DNMBP: variants seen among roughly 807,000 people sequenced by gnomAD.
The protein encoded by DNMBP is dynamin-binding protein.
In DNMBP, 87 loss-of-function variants were observed where a neutral mutation model predicts 150.0. The observed-to-expected ratio is 0.58, with a 90% CI of 0.49 to 0.69. The LOEUF is 0.69. Among genes scored for constraint, DNMBP ranks in the 30% least tolerant of loss-of-function variants. The pLI is 0.00. For synonymous variants in DNMBP, 711 were observed against 750.4 expected, an observed-to-expected ratio of 0.95 and a Z score of 0.86; for missense variants, 1,774 against 1,949.0, an observed-to-expected ratio of 0.91 and a Z score of 1.69.
intron 1 of DNMBP, among the ~76,000 whole-genome samples, chr10:99,986,244 G>A (rs1008004168): frequency 2.0e-5 from 3 of 152,202 alleles, no homozygotes; most frequent in African/African-American, 7.2e-5. Context: ...ATGCAGTGGT[G>A]TGTCCCTATA....
At chr10:99,976,013 C>A (rs1225725892) in intron 1 of DNMBP, among the ~76,000 whole-genome samples, 1 of 152,096 alleles carries the variant, frequency 6.6e-6, no homozygotes, top group Non-Finnish European at 1.5e-5. Flanking sequence ...TGATAGCTGT[C>A]CAAGGTCACA....
chr10:99,936,084 T>C, intron 4 of DNMBP, among the ~76,000 whole-genome samples: 1 of 152,196 alleles, frequency 6.6e-6, no homozygotes. Context: ...AGATTAACTT[T>C]AATCTAACTG....
In DNMBP at chr10:99,917,968, CAA is replaced by C. The variant is rs749252887; in HGVS notation, c.2261-8824_2261-8823del. On this transcript the variant is annotated intron_variant, in intron 4 of 16. Coordinates refer to ENST00000324109, the MANE Select transcript of DNMBP (RefSeq NM_015221.4). Reference sequence around the variant, plus strand: ...TGAGCGATGGAGTAAGACTCTGTCTCAAAAAAAAAAAAAAAAAAAAAAGAAAA... The same window carrying C: ...TGAGCGATGGAGTAAGACTCTGTCTCAAAAAAAAAAAAAAAAAAAAGAAAA... 8.2e-3 allele frequency among the ~76,000 whole-genome samples: 429 copies of C among 52,218 alleles called. 1 individual carries two copies. The highest frequency in any genetic ancestry group is 0.026 in the African/African-American group (393 of 14,880). 34.3% of individuals were successfully genotyped at this position (52,218 alleles called of 152,430 possible). A position where few individuals can be genotyped will look rare whatever the true frequency, so the allele number is the denominator to read the frequency against.
intron 1 of DNMBP, among the ~76,000 whole-genome samples, chr10:100,008,027 C>T (rs1369076408): frequency 1.3e-5 from 2 of 152,154 alleles, no homozygotes; most frequent in Middle Eastern, 3.2e-3. Context: ...GTAATAATAC[C>T]ATGTTGTAGG....
intron 14 of DNMBP, 108 bp from the exon 15 acceptor site, chr10:99,884,317 A>G: frequency 3.2e-6 from 3 of 924,726 alleles, no homozygotes; most frequent in Non-Finnish European, 4.9e-6. Flanking sequence ...ACAGTCAGTC[A>G]CTGCCCATCT....
intron 11 of DNMBP, among the ~76,000 whole-genome samples, chr10:99,890,712 T>C (rs1236270670): frequency 6.6e-6 from 1 of 152,202 alleles, no homozygotes; most frequent in Admixed American, 6.5e-5. Context: ...AATGGCATGA[T>C]CTCAGCTCAC....
chr10:99,893,648 A>C (rs778959422), intron 11 of DNMBP, among the ~76,000 whole-genome samples: 2 of 152,100 alleles, frequency 1.3e-5, no homozygotes, highest in Non-Finnish European at 2.9e-5. Context: ...AACCACTTGA[A>C]CCCAGGAGGC....
intron 6 of DNMBP, among the ~76,000 whole-genome samples, chr10:99,902,669 T>C (rs1589408050): frequency 1.4e-5 from 2 of 147,982 alleles, no homozygotes; most frequent in Non-Finnish European, 3.0e-5. Context: ...GGCTCAAGCC[T>C]GTAATCCCAG....
At position 99,879,870 on chromosome 10, in the gene DNMBP, C is replaced by G. The variant is rs1462133241; in HGVS notation, c.4489G>C (p.Ala1497Pro). 1 of 1,614,118 alleles carries G rather than the reference C, an allele frequency of 6.2e-7. No individual in the cohort carries two copies. Among genetic ancestry groups the G allele is most frequent in the Non-Finnish European group, 8.5e-7 (1 of 1,180,040 alleles). The change falls in exon 16 of 17, where the codon GCC (alanine) becomes CCC (proline). Residue 1497 changes from alanine (A) to proline (P), a missense_variant. Around this residue, in one of 2 missense-constraint regions of DNMBP, gnomAD observed 1,430 missense variants for 1,492.5 expected, o/e 0.96. Coordinates refer to ENST00000324109, the MANE Select transcript of DNMBP (RefSeq NM_015221.4). ...GTACTTCTGTCTTCCGGAGCCTGGG[C>G]TGTTCTTGCACATCCTTTGACGAGG... ...QDLVKGCART[A>P]QAPEDRSTEP...
At chr10:99,933,571 T>C (rs1399089091) in intron 4 of DNMBP, among the ~76,000 whole-genome samples, 4 of 152,208 alleles carry the variant, frequency 2.6e-5, no homozygotes, top group African/African-American at 9.7e-5. Context: ...AGAAAGCCAG[T>C]TGATTTCAAA....
rs773799298 is a variant in DNMBP, at chr10:99,885,767, C to T, written c.3718G>A (p.Glu1240Lys). ...QQLQVFTFFP[E>K]SLPATKKPFE... ...GGCTTCTTGGTAGCTGGAAGAGACTCCGGGAAGAAGGTAAAAACCTGGAGT... is the reference window on the plus strand; with the variant it reads ...GGCTTCTTGGTAGCTGGAAGAGACTTCGGGAAGAAGGTAAAAACCTGGAGT... The change falls in exon 14 of 17, where the codon GAG becomes AAG. Residue 1240 changes from glutamate (E) to lysine (K), a missense_variant. Around this residue, in one of 2 missense-constraint regions of DNMBP, gnomAD observed 1,430 missense variants for 1,492.5 expected, o/e 0.96. Transcript: ENST00000324109. 5.6e-6 allele frequency: 9 copies of T among 1,608,190 alleles called. No homozygotes were observed. The South Asian group carries it at 7.8e-5, about 14-fold the overall frequency.
intron 4 of DNMBP, among the ~76,000 whole-genome samples, chr10:99,939,166 G>A (rs911762357): frequency 1.3e-5 from 2 of 151,986 alleles, no homozygotes; most frequent in African/African-American, 4.8e-5. Context: ...AACTTTTGTG[G>A]ATTCCTCTGT....
intron 4 of DNMBP, among the ~76,000 whole-genome samples, chr10:99,936,448 G>T (rs2040232277): frequency 6.6e-6 from 1 of 151,674 alleles, no homozygotes; most frequent in Non-Finnish European, 1.5e-5. Context: ...TGGAGAACAT[G>T]ATTGAACATT....
intron 14 of DNMBP, among the ~76,000 whole-genome samples, chr10:99,885,054 AAAG>A (rs1181223737): frequency 1.7e-4 from 26 of 152,214 alleles, no homozygotes; most frequent in Admixed American, 1.7e-3. Context: ...TGAGGTTAAA[AAAG>A]ACTAACTCCA....
intron 11 of DNMBP, among the ~76,000 whole-genome samples, chr10:99,890,669 G>A (rs1011207743): frequency 2.0e-5 from 3 of 152,160 alleles, no homozygotes; most frequent in Non-Finnish European, 2.9e-5. Context: ...TTTTTCTTGA[G>A]ATGGAGTCTC....
At position 99,972,211 on chromosome 10, in the gene DNMBP, T is replaced by C. The variant is rs1321903332; in HGVS notation, c.-10-77A>G. The C allele has an allele frequency of 2.2e-6, 3 of 1,339,960 alleles. No homozygotes were observed. The African/African-American group carries it at 4.4e-5, about 20-fold the overall frequency. The allele number at this position is 1,339,960 out of a possible 1,614,324, so 83.0% of individuals were successfully genotyped here. A position where few individuals can be genotyped will look rare whatever the true frequency, so the allele number is the denominator to read the frequency against. Reference sequence around the variant, plus strand: ...AATATAGATCTATTTCTTGGAATGATAAAGCTTAAGATACAAATATACTTA... The same window carrying C: ...AATATAGATCTATTTCTTGGAATGACAAAGCTTAAGATACAAATATACTTA... On this transcript the variant is annotated intron_variant, in intron 1 of 16. Coordinates refer to ENST00000324109, the MANE Select transcript of DNMBP (RefSeq NM_015221.4).
intron 1 of DNMBP, among the ~76,000 whole-genome samples, chr10:100,007,340 CT>C (rs2041085159): frequency 6.6e-6 from 1 of 152,216 alleles, no homozygotes; most frequent in African/African-American, 2.4e-5. Flanking sequence ...TTTGTTCAAA[CT>C]GGTTCCCCCT....
chr10:99,904,239 C>T (rs1589409269), intron 6 of DNMBP, among the ~76,000 whole-genome samples: 1 of 151,556 alleles, frequency 6.6e-6, no homozygotes. Context: ...TGGGAAATAG[C>T]GTGAGACTGT....
rs563812006 is a variant in DNMBP, at chr10:99,898,776, C to A, written c.2703-16G>T. On this transcript the variant is annotated splice_polypyrimidine_tract_variant and intron_variant, in intron 7 of 16. Coordinates refer to ENST00000324109, the MANE Select transcript of DNMBP (RefSeq NM_015221.4). The stretch of plus-strand genomic sequence containing the variant: ...GTATAGGCTCCTGCAAGGCAGTGGG[C>A]ATGAAAAGAAAAGAGACAGTTTATT... 1.2e-6 allele frequency: 2 copies of A among 1,611,912 alleles called. No individual in the cohort carries two copies. The highest frequency in any genetic ancestry group is 3.3e-5 in the Admixed American group (2 of 59,918).
Sources: gnomAD v4.1 joint callset for allele counts (sites outside exome capture counted in the v4.1 genomes callset) on GRCh38, gnomAD v4.1.1 for gene constraint, gnomAD v4.1.1 regional missense constraint, MANE v1.5 for transcripts, NCBI Gene and HGNC (gene_info 2026-07-23, HGNC 2026-07-21) for gene names.